Variants in KALRN observed in about 807,000 individuals in gnomAD.
KALRN encodes kalirin.
Under a neutral mutation model 353.7 loss-of-function variants are expected in KALRN, and 70 were observed. The ratio of observed to expected loss-of-function variants is 0.20; its 90% CI spans 0.16 to 0.24. The LOEUF is 0.24. Among genes scored for constraint, KALRN ranks in the 10% least tolerant of loss-of-function variants. KALRN has a pLI of 1.00. For synonymous variants in KALRN, 1,391 were observed against 1,434.8 expected (o/e 0.97, Z 0.69); for missense variants, 2,791 against 3,756.7 (o/e 0.74, Z 6.72).
Position 124,713,127 on chromosome 3 carries a change from C to T in KALRN, c.8268C>T (p.Ile2756=), listed in dbSNP as rs1206483935. 2 of 1,613,160 alleles carry T rather than the reference C, an allele frequency of 1.2e-6. No individual in the cohort carries two copies. The highest frequency in any genetic ancestry group is 3.3e-4 in the Middle Eastern group (2 of 6,052). ...AGTCCCCCACATCCTACATCCTGATCTTGGAACTGTAAGTACAGACGCCAT... is the reference window on the plus strand; with the variant it reads ...AGTCCCCCACATCCTACATCCTGATTTTGGAACTGTAAGTACAGACGCCAT... ...TYESPTSYIL[I]LELMDDGRLL... The change falls in exon 58 of 60, where the codon ATC becomes ATT. Residue 2756 remains isoleucine, a synonymous_variant. Coordinates refer to ENST00000682506, the MANE Select transcript of KALRN (RefSeq NM_001388419.1).
At chr3:124,693,050 C>T (rs755881490) in intron 51 of KALRN, among the ~76,000 whole-genome samples, 6 of 152,222 alleles carry the variant, frequency 3.9e-5, no homozygotes, top group Non-Finnish European at 7.3e-5. Context: ...TACCAAGAGC[C>T]CTATCAGTTC....
intron 6 of KALRN, among the ~76,000 whole-genome samples, chr3:124,321,585 A>G (rs1464924317): frequency 6.6e-6 from 1 of 152,212 alleles, no homozygotes; most frequent in East Asian, 1.9e-4. Flanking sequence ...GATTTCAGTT[A>G]ATCACAGCAT....
At chr3:124,497,617 A>G (rs191421306) in intron 33 of KALRN, among the ~76,000 whole-genome samples, 17 of 152,328 alleles carry the variant, frequency 1.1e-4, no homozygotes, top group Admixed American at 6.5e-4. Flanking sequence ...TCTACTGACT[A>G]TCAGAGTGGA....
chr3:124,227,884 C>G (rs952562110), intron 1 of KALRN, 106 bp from the exon 2 acceptor site: 1 of 892,084 alleles, frequency 1.1e-6, no homozygotes, highest in Non-Finnish European at 1.9e-6. Flanking sequence ...CTGGACAAGG[C>G]AGGACTTGCC....
intron 25 of KALRN, among the ~76,000 whole-genome samples, chr3:124,473,569 T>C (rs921270773): frequency 1.3e-5 from 2 of 152,200 alleles, no homozygotes; most frequent in African/African-American, 4.8e-5. Flanking sequence ...TCTCCCAGAG[T>C]TCTTCCATAT....
At position 124,446,755 on chromosome 3, in the gene KALRN, TC is replaced by T; in HGVS notation, c.3430-5del. The T allele has an allele frequency of 6.2e-7, 1 of 1,613,972 alleles. No individual in the cohort carries two copies. On this transcript the variant is annotated splice_polypyrimidine_tract_variant and splice_region_variant and intron_variant, in intron 20 of 59. Coordinates refer to ENST00000682506, the MANE Select transcript of KALRN (RefSeq NM_001388419.1). ...TTTGGGGACTGGATGAGTTGTTTCC[TC>T]CCATAGGCGCTTGACTGGATCCAAG...
chr3:124,379,676 G>T (rs971415489), intron 10 of KALRN, among the ~76,000 whole-genome samples: 6 of 152,168 alleles, frequency 3.9e-5, no homozygotes, highest in African/African-American at 1.4e-4. Flanking sequence ...GTGGGAGCAG[G>T]TGCTATTTCT....
At chr3:124,411,585 G>A (rs535011627) in intron 13 of KALRN, among the ~76,000 whole-genome samples, 3 of 151,702 alleles carry the variant, frequency 2.0e-5, no homozygotes, top group African/African-American at 7.2e-5. Flanking sequence ...AGGACAACAG[G>A]TGCATGCCAC....
chr3:124,447,916 C>T (rs1275272526), intron 21 of KALRN, among the ~76,000 whole-genome samples: 2 of 152,142 alleles, frequency 1.3e-5, no homozygotes, highest in Non-Finnish European at 2.9e-5. Flanking sequence ...ATTTCAATAC[C>T]AGTAAAAGCA....
chr3:124,614,814 C>T (rs898832974), intron 34 of KALRN, among the ~76,000 whole-genome samples: 2 of 152,250 alleles, frequency 1.3e-5, no homozygotes, highest in East Asian at 1.9e-4. Flanking sequence ...TCAAGCAGTC[C>T]TCCCACCTTA....
chr3:124,338,564 T>C (rs2149489385), intron 9 of KALRN, among the ~76,000 whole-genome samples: 1 of 152,332 alleles, frequency 6.6e-6, no homozygotes, highest in South Asian at 2.1e-4. Context: ...AATTATGTGG[T>C]CAATTTTAGA....
intron 1 of KALRN, among the ~76,000 whole-genome samples, chr3:124,114,427 A>G (rs1231556600): frequency 6.6e-6 from 1 of 152,194 alleles, no homozygotes; most frequent in Non-Finnish European, 1.5e-5. Context: ...TCTGTGTGAC[A>G]TATGGGGACA....
In KALRN at chr3:124,633,947, T is replaced by C; in HGVS notation, c.5562T>C (p.Asp1854=). 1 of 1,613,388 alleles carries C rather than the reference T, an allele frequency of 6.2e-7. No individual in the cohort carries two copies. Among genetic ancestry groups the C allele is most frequent in the Non-Finnish European group, 8.5e-7 (1 of 1,179,396 alleles). ...MKIFDNDPTQ[D]EMSSSLLAAR... ...TTTTTGACAACGACCCTACACAGGA[T>C]GAAATGGTAGAACTTCTTTACTTGC... The change falls in exon 36 of 60, where the codon GAT becomes GAC. Residue 1854 remains aspartate (D), a synonymous_variant. Coordinates refer to ENST00000682506, the MANE Select transcript of KALRN (RefSeq NM_001388419.1).
chr3:124,157,915 G>T (rs1329194179), intron 1 of KALRN, among the ~76,000 whole-genome samples: 1 of 152,202 alleles, frequency 6.6e-6, no homozygotes, highest in Non-Finnish European at 1.5e-5. Context: ...TGCTCCAGGT[G>T]CAGTGGCTGT....
intron 1 of KALRN, among the ~76,000 whole-genome samples, chr3:124,211,016 C>T (rs2150504096): frequency 6.6e-6 from 1 of 152,310 alleles, no homozygotes; most frequent in Non-Finnish European, 1.5e-5. Context: ...ATTATGTCTA[C>T]AATTTCAGGA....
intron 34 of KALRN, among the ~76,000 whole-genome samples, chr3:124,591,790 TAA>T (rs2075802041): frequency 6.6e-6 from 1 of 152,218 alleles, no homozygotes; most frequent in Non-Finnish European, 1.5e-5. Context: ...GGTAACACTG[TAA>T]ATGTAAGTTC....
chr3:124,094,847 C>A, intron 1 of KALRN: 1 of 1,614,056 alleles, frequency 6.2e-7, no homozygotes, highest in East Asian at 2.2e-5. Context: ...GATGACGGAC[C>A]GCTTCTGGGA....
intron 6 of KALRN, among the ~76,000 whole-genome samples, chr3:124,301,899 T>C (rs1165758765): frequency 1.3e-5 from 2 of 152,234 alleles, no homozygotes; most frequent in East Asian, 3.8e-4. Context: ...TACTTTGTTT[T>C]AGGCTGCAGG....
At chr3:124,341,966 A>G (rs1347929157) in intron 9 of KALRN, among the ~76,000 whole-genome samples, 1 of 151,334 alleles carries the variant, frequency 6.6e-6, no homozygotes, top group Non-Finnish European at 1.5e-5. Context: ...AATTTAGGAG[A>G]TGAGAGGCAG....
Sources: allele counts gnomAD v4.1 joint callset (sites outside exome capture counted in the v4.1 genomes callset), GRCh38; gene constraint gnomAD v4.1.1; transcripts MANE v1.5; gene names NCBI Gene and HGNC (gene_info 2026-07-23, HGNC 2026-07-21).